FLRT1: variants seen among roughly 807,000 people sequenced by gnomAD.
FLRT1 encodes the protein fibronectin leucine rich transmembrane protein 1, also known as leucine-rich repeat transmembrane protein FLRT1.
In FLRT1, 14 loss-of-function variants were observed where a neutral mutation model predicts 30.9. The observed-to-expected ratio is 0.45, with a 90% CI of 0.30 to 0.71. The LOEUF (loss-of-function observed/expected upper bound fraction) is 0.71, where lower values mean the gene tolerates loss of function less well. Ranked by LOEUF, FLRT1 falls within the 30% of genes least tolerant of loss-of-function variation. The pLI, the probability that FLRT1 is intolerant of heterozygous loss-of-function variation, is 0.08. For synonymous variants in FLRT1, 368 were observed against 430.4 expected, an observed-to-expected ratio of 0.85 and a Z score of 1.80; for missense variants, 737 against 949.2, an observed-to-expected ratio of 0.78 and a Z score of 2.94.
At chr11:64,060,980 G>T (rs376305498) in intron 1 of FLRT1, among the ~76,000 whole-genome samples, 1 of 151,920 alleles carries the variant, frequency 6.6e-6, no homozygotes, top group East Asian at 1.9e-4. Flanking sequence ...CCAGGCGACC[G>T]GGCGGGCCGG....
At chr11:64,066,952 G>A (rs367825539) in intron 1 of FLRT1, among the ~76,000 whole-genome samples, 3 of 152,278 alleles carry the variant, frequency 2.0e-5, no homozygotes, top group East Asian at 3.9e-4. Context: ...GCCCCAGTGC[G>A]CTACGGAGGG....
chr11:64,037,285 T>G (rs1943400715), intron 1 of FLRT1, among the ~76,000 whole-genome samples: 1 of 152,090 alleles, frequency 6.6e-6, no homozygotes, highest in African/African-American at 2.4e-5. Context: ...GGACCCACGA[T>G]GCCACTGTGG....
intron 1 of FLRT1, among the ~76,000 whole-genome samples, chr11:64,073,902 TGGGGTTGAAG>T (rs1332214239): frequency 6.6e-6 from 1 of 152,080 alleles, no homozygotes; most frequent in Non-Finnish European, 1.5e-5. Context: ...TTAGGGGCTC[TGGGGTTGAAG>T]GGTTGGTTGG....
rs763341717 is a variant in FLRT1, at chr11:64,117,060, C to G, written c.793C>G (p.Leu265Val). The stretch of plus-strand genomic sequence containing the variant: ...GCGCAATTCGCTGGCCGCGCCACCC[C>G]TCAACCTGCCCAGCGCCCACCTGCA... ...LVRNSLAAPP[L>V]NLPSAHLQKL... The change falls in exon 3 of 3, where the codon CTC (leucine) becomes GTC (valine). Residue 265 changes from leucine (L) to valine (V), a missense_variant. By Grantham distance (32) the Leu-to-Val change is conservative. Transcript: ENST00000682287. 1 of 1,603,926 alleles carries G rather than the reference C, an allele frequency of 6.2e-7. No homozygotes were observed.
chr11:64,117,523 T>A lies in FLRT1; in HGVS notation c.1256T>A (p.Leu419Gln). The A allele has an allele frequency of 6.2e-7, 1 of 1,604,738 alleles. No homozygotes were observed. The change falls in exon 3 of 3, where the codon CTG (leucine) becomes CAG (glutamine). Residue 419 changes from leucine to glutamine, a missense_variant. Coordinates refer to ENST00000682287, the MANE Select transcript of FLRT1 (RefSeq NM_013280.5). ...ACCCTCAAGGCCAAAAGGCCAGGGCTGCGCCTCCCCGACTCCAACATTGAC... is the reference window on the plus strand; with the variant it reads ...ACCCTCAAGGCCAAAAGGCCAGGGCAGCGCCTCCCCGACTCCAACATTGAC... ...LFTLKAKRPG[L>Q]RLPDSNIDYP...
At chr11:64,048,989 C>G (rs897269988) in intron 1 of FLRT1, among the ~76,000 whole-genome samples, 1 of 152,244 alleles carries the variant, frequency 6.6e-6, no homozygotes, top group African/African-American at 2.4e-5. Flanking sequence ...AACTGATGCT[C>G]AGAGAGACAG....
intron 2 of FLRT1, 21 bp from the exon 3 acceptor site, chr11:64,116,198 C>G: frequency 2.6e-6 from 4 of 1,535,388 alleles, no homozygotes; most frequent in Non-Finnish European, 2.6e-6. Context: ...TCTCACTGCC[C>G]CTGTCCTGTG....
rs985390517 is a variant in FLRT1, at chr11:64,082,194, G to T, written c.-1037-21000G>T. 6.6e-6 allele frequency among the ~76,000 whole-genome samples: 1 copy of T among 152,116 alleles called. No individual in the cohort carries two copies. Among genetic ancestry groups the T allele is most frequent in the South Asian group, 2.1e-4 (1 of 4,820 alleles). On this transcript the variant is annotated intron_variant, in intron 1 of 2. Coordinates refer to ENST00000682287, the MANE Select transcript of FLRT1 (RefSeq NM_013280.5). The surrounding 1 kb of genome is among the most constrained non-coding windows in gnomAD (Gnocchi z 4.5). ...GAGCAGGCCAGAGCCAGGAGCAGGC[G>T]CGAAACATCCCTTAAATATTGGTGC...
At chr11:64,100,860 G>A (rs1365791074) in intron 1 of FLRT1, among the ~76,000 whole-genome samples, 1 of 152,180 alleles carries the variant, frequency 6.6e-6, no homozygotes, top group African/African-American at 2.4e-5. Flanking sequence ...AGGGAAGGTG[G>A]GGGTGGGGGC....
At chr11:64,097,655 G>A (rs779690221) in intron 1 of FLRT1, among the ~76,000 whole-genome samples, 7 of 152,326 alleles carry the variant, frequency 4.6e-5, no homozygotes, top group East Asian at 1.9e-4. Context: ...GGGAGGGTTC[G>A]CACCACACAA....
chr11:64,076,001 C>T (rs1944193949), intron 1 of FLRT1, among the ~76,000 whole-genome samples: 1 of 152,242 alleles, frequency 6.6e-6, no homozygotes, highest in Admixed American at 6.5e-5. Flanking sequence ...CATGCTGCTA[C>T]CTCAGGCTGG....
At chr11:64,050,086 G>A (rs949365835) in intron 1 of FLRT1, among the ~76,000 whole-genome samples, 8 of 152,266 alleles carry the variant, frequency 5.3e-5, no homozygotes, top group South Asian at 4.1e-4. Context: ...AGATCTCTCC[G>A]GAGGCTGGGA....
At position 64,067,375 on chromosome 11, in the gene FLRT1, C is replaced by T. The variant is rs937868438; in HGVS notation, c.-1038+31216C>T. Reference sequence around the variant, plus strand: ...TATCGGGCAAAATAGCAGCTGCTGACGTGAAAATGAAATATAGATTCAATA... The same window carrying T: ...TATCGGGCAAAATAGCAGCTGCTGATGTGAAAATGAAATATAGATTCAATA... On this transcript the variant is annotated intron_variant, in intron 1 of 2. Coordinates refer to ENST00000682287, the MANE Select transcript of FLRT1 (RefSeq NM_013280.5). This position sits in a 1 kb window ranked among gnomAD's most constrained non-coding sequence, Gnocchi z 4.6. 1.3e-5 allele frequency among the ~76,000 whole-genome samples: 2 copies of T among 152,108 alleles called. No individual in the cohort carries two copies. The highest frequency in any genetic ancestry group is 2.9e-5 in the Non-Finnish European group (2 of 68,008).
In FLRT1 at chr11:64,040,425, G is replaced by A. The variant is rs899343691; in HGVS notation, c.-1038+4266G>A. On this transcript the variant is annotated intron_variant, in intron 1 of 2. Coordinates refer to ENST00000682287, the MANE Select transcript of FLRT1 (RefSeq NM_013280.5). Reference sequence around the variant, plus strand: ...GAGGGCAGAGGGGCTCAAGGCACCCGGCCAGGGCTGGGGCTGGTGGGCTGT... The same window carrying A: ...GAGGGCAGAGGGGCTCAAGGCACCCAGCCAGGGCTGGGGCTGGTGGGCTGT... Among the ~76,000 whole-genome samples, 4 of 152,154 alleles carry A rather than the reference G, an allele frequency of 2.6e-5. 1 individual carries two copies. The highest frequency in any genetic ancestry group is 2.4e-5 in the African/African-American group (1 of 41,428).
rs1358619169 is a variant in FLRT1, at chr11:64,082,073, A to G, written c.-1037-21121A>G. Reference sequence around the variant, plus strand: ...GAGCTGCAGCGTCCTGGGCTGGGGCAGAGGGGCCGTGGCGAGAACAGATGG... The same window carrying G: ...GAGCTGCAGCGTCCTGGGCTGGGGCGGAGGGGCCGTGGCGAGAACAGATGG... On this transcript the variant is annotated intron_variant, in intron 1 of 2. Transcript: ENST00000682287. The surrounding 1 kb of genome is among the most constrained non-coding windows in gnomAD (Gnocchi z 4.5). The G allele has an allele frequency of 6.6e-6, 1 of 152,202 alleles. No homozygotes were observed. Among genetic ancestry groups the G allele is most frequent in the Non-Finnish European group, 1.5e-5 (1 of 68,078 alleles). 9.4% of individuals were successfully genotyped at this position (152,202 alleles called of 1,614,324 possible).
chr11:64,074,582 A>G (rs1944168278), intron 1 of FLRT1, among the ~76,000 whole-genome samples: 1 of 152,182 alleles, frequency 6.6e-6, no homozygotes, highest in African/African-American at 2.4e-5. Context: ...ATGTCCCCGC[A>G]GGCCCTCCGT....
intron 1 of FLRT1, among the ~76,000 whole-genome samples, chr11:64,057,180 G>A (rs762024822): frequency 3.3e-5 from 5 of 152,216 alleles, no homozygotes; most frequent in Non-Finnish European, 5.9e-5. Context: ...AGCCAGCCCC[G>A]TGTTTATAAG....
At chr11:64,092,538 C>T (rs1447469844) in intron 1 of FLRT1, among the ~76,000 whole-genome samples, 1 of 152,198 alleles carries the variant, frequency 6.6e-6, no homozygotes, top group Non-Finnish European at 1.5e-5. Context: ...GCTCAGAGAC[C>T]GCGTGTGGTC....
intron 1 of FLRT1, among the ~76,000 whole-genome samples, chr11:64,100,543 G>A (rs1944653577): frequency 1.3e-5 from 2 of 152,230 alleles, no homozygotes. Flanking sequence ...AGCCAGAAGG[G>A]TGGCCACTGG....
Sources: gnomAD v4.1 joint callset for allele counts (sites outside exome capture counted in the v4.1 genomes callset) on GRCh38, gnomAD v4.1.1 for gene constraint, Gnocchi (gnomAD v3.1) non-coding constraint, MANE v1.5 for transcripts, NCBI Gene and HGNC (gene_info 2026-07-23, HGNC 2026-07-21) for gene names.